Variants in FNIP1 observed in about 807,000 individuals in gnomAD.
FNIP1 encodes folliculin-interacting protein 1.
In FNIP1, 40 loss-of-function variants were observed where a neutral mutation model predicts 124.5. The ratio of observed to expected loss-of-function variants is 0.32; its 90% confidence interval spans 0.25 to 0.42. The LOEUF is 0.42. Among genes scored for constraint, FNIP1 ranks in the 10% least tolerant of loss-of-function variants. The probability of loss-of-function intolerance (pLI) is 1.00; values close to 1 mark genes in which losing one functional copy is unlikely to be tolerated. For synonymous variants in FNIP1, 472 were observed against 470.6 expected, an observed-to-expected ratio of 1.00 and a Z score of -0.04; for missense variants, 1,176 against 1,403.7, an observed-to-expected ratio of 0.84 and a Z score of 2.59.
chr5:131,706,703 G>C (rs975970030), intron 8 of FNIP1, among the ~76,000 whole-genome samples, 157 bp from the exon 9 acceptor site: 6 of 152,128 alleles, frequency 3.9e-5, no homozygotes, highest in Admixed American at 3.9e-4. Context: ...CTTGTAGCAA[G>C]GTCTCAGAGG....
At chr5:131,653,455 C>T (rs1341333326) in intron 15 of FNIP1, among the ~76,000 whole-genome samples, 1 of 151,858 alleles carries the variant, frequency 6.6e-6, no homozygotes. Flanking sequence ...AGGAGAATGG[C>T]TTGAACCCGG....
intron 1 of FNIP1, among the ~76,000 whole-genome samples, chr5:131,784,103 G>A (rs1401055782): frequency 1.3e-5 from 2 of 152,070 alleles, no homozygotes; most frequent in Non-Finnish European, 2.9e-5. Context: ...ATACCTACAG[G>A]GCCAGCAGTC....
At chr5:131,660,625 A>T (rs1228007006) in intron 15 of FNIP1, among the ~76,000 whole-genome samples, 1 of 152,176 alleles carries the variant, frequency 6.6e-6, no homozygotes, top group Non-Finnish European at 1.5e-5. Flanking sequence ...GAAGGAGATG[A>T]TTTGAGTATG....
In FNIP1 at chr5:131,681,140, G is replaced by A. The variant is rs56359530; in HGVS notation, c.1203-1965C>T. Among the ~76,000 whole-genome samples, 433 of 152,260 alleles carry A rather than the reference G, an allele frequency of 2.8e-3. 2 individuals are homozygous for A. The highest frequency in any genetic ancestry group is 4.8e-3 in the Admixed American group (73 of 15,300). On this transcript the variant is annotated intron_variant, in intron 11 of 17. Coordinates refer to ENST00000510461, the MANE Select transcript of FNIP1 (RefSeq NM_133372.3). The stretch of plus-strand genomic sequence containing the variant: ...AGATATAGCAGTTGAATGGCCCCGA[G>A]GAATGACCTTTTCCAAACTCTTCCT...
chr5:131,704,283 T>C lies in FNIP1; in HGVS notation c.915-17A>G. 6.6e-7 allele frequency: 1 copy of C among 1,519,220 alleles called. No individual in the cohort carries two copies. Among genetic ancestry groups the C allele is most frequent in the Non-Finnish European group, 8.9e-7 (1 of 1,124,954 alleles). 94.1% of individuals were successfully genotyped at this position (1,519,220 alleles called of 1,614,324 possible). ...TCTATAGACCTTAAAAATAAATGAT[T>C]TTTTATTAATTTACAAAAGTAAAAA... On this transcript the variant is annotated splice_polypyrimidine_tract_variant and intron_variant, in intron 9 of 17. Transcript: ENST00000510461.
At chr5:131,694,499 ACATAGCATATGATTT>A (rs1160263752) in intron 11 of FNIP1, among the ~76,000 whole-genome samples, 1 of 152,216 alleles carries the variant, frequency 6.6e-6, no homozygotes, top group African/African-American at 2.4e-5. Context: ...TGAAAAGTCC[ACATAGCATATGATTT>A]CAAGCATACA....
intron 15 of FNIP1, among the ~76,000 whole-genome samples, chr5:131,655,355 A>G (rs1482271104): frequency 6.6e-6 from 1 of 152,156 alleles, no homozygotes; most frequent in African/African-American, 2.4e-5. Flanking sequence ...ACAAACAAAC[A>G]AACAAAAAAA....
At chr5:131,696,525 A>C (rs1157031939) in intron 11 of FNIP1, among the ~76,000 whole-genome samples, 3 of 152,166 alleles carry the variant, frequency 2.0e-5, no homozygotes, top group African/African-American at 4.8e-5. Context: ...ATTTCAAAAC[A>C]ATGTAAATAT....
chr5:131,794,428 A>C (rs1478873857), intron 1 of FNIP1, among the ~76,000 whole-genome samples: 2 of 152,084 alleles, frequency 1.3e-5, no homozygotes, highest in Non-Finnish European at 2.9e-5. Flanking sequence ...AAAGTTAAAC[A>C]CAACATTTAG....
chr5:131,688,016 G>A (rs1019793747), intron 11 of FNIP1, among the ~76,000 whole-genome samples: 1 of 151,948 alleles, frequency 6.6e-6, no homozygotes, highest in South Asian at 2.1e-4. Context: ...AGCCTTCCTC[G>A]CTGGCCTCTG....
At chr5:131,786,256 G>T (rs1294780907) in intron 1 of FNIP1, among the ~76,000 whole-genome samples, 1 of 152,166 alleles carries the variant, frequency 6.6e-6, no homozygotes, top group African/African-American at 2.4e-5. Flanking sequence ...CTTTGAGCTG[G>T]ATACCAGAAG....
chr5:131,752,885 T>C (rs1208082901), intron 1 of FNIP1, among the ~76,000 whole-genome samples: 1 of 152,130 alleles, frequency 6.6e-6, no homozygotes, highest in Non-Finnish European at 1.5e-5. Flanking sequence ...CTGACCTACA[T>C]GGGAGAAATC....
At chr5:131,664,881 C>T (rs1178686654) in intron 15 of FNIP1, among the ~76,000 whole-genome samples, 2 of 150,032 alleles carry the variant, frequency 1.3e-5, no homozygotes, top group Non-Finnish European at 3.0e-5. Context: ...TATATAAGGA[C>T]TCAGCTATAT....
At chr5:131,693,076 TTAATAA>T (rs1768535969) in intron 11 of FNIP1, among the ~76,000 whole-genome samples, 1 of 150,970 alleles carries the variant, frequency 6.6e-6, no homozygotes, top group South Asian at 2.1e-4. Context: ...GCAACTACAG[TTAATAA>T]TAATATTATA....
chr5:131,705,502 C>G (rs10045590), intron 9 of FNIP1, among the ~76,000 whole-genome samples: 13,123 of 151,914 alleles, frequency 0.086, 1,242 homozygotes, highest in African/African-American at 0.24. Context: ...TTCAACTTCA[C>G]TAATTATTAG....
chr5:131,723,156 A>G (rs999899925), intron 3 of FNIP1, among the ~76,000 whole-genome samples: 2 of 152,200 alleles, frequency 1.3e-5, no homozygotes, highest in Non-Finnish European at 2.9e-5. Flanking sequence ...TTTTTTAATG[A>G]TAAAATAGCT....
chr5:131,711,064 T>TA (rs915476797), intron 6 of FNIP1, among the ~76,000 whole-genome samples: 1 of 152,226 alleles, frequency 6.6e-6, no homozygotes, highest in African/African-American at 2.4e-5. Flanking sequence ...TTGAAGATTA[T>TA]AGTATGTGCC....
chr5:131,786,200 T>C (rs927932292), intron 1 of FNIP1, among the ~76,000 whole-genome samples: 1 of 152,260 alleles, frequency 6.6e-6, no homozygotes, highest in Non-Finnish European at 1.5e-5. Flanking sequence ...GTTCAGTGAC[T>C]ATTTTTATTC....
In FNIP1 at chr5:131,709,219, T is replaced by C. The variant is rs973088476; in HGVS notation, c.760A>G (p.Ser254Gly). The change falls in exon 8 of 18, where the codon AGT becomes GGT. Residue 254 changes from serine (S) to glycine (G), a missense_variant. Physicochemically the swap from Ser to Gly is moderately conservative, Grantham distance 56. Coordinates refer to ENST00000510461, the MANE Select transcript of FNIP1 (RefSeq NM_133372.3). ...PGRELNEDRD[S>G]GIARSASLSS... is the part of the protein sequence containing the mutation. ...ACATTACCAGACCGTGCTATGCCAC[T>C]GTCTCTGTCCTCATTGAGCTCTCTT... The C allele has an allele frequency of 6.2e-7, 1 of 1,613,786 alleles. No homozygotes were observed. Among genetic ancestry groups the C allele is most frequent in the Admixed American group, 1.7e-5 (1 of 60,024 alleles).
Sources: gnomAD v4.1 joint callset for allele counts (sites outside exome capture counted in the v4.1 genomes callset) on GRCh38, gnomAD v4.1.1 for gene constraint, MANE v1.5 for transcripts, NCBI Gene and HGNC (gene_info 2026-07-23, HGNC 2026-07-21) for gene names.